The following STK32C variants were observed in gnomAD, a reference collection of about 807,000 sequenced individuals.
STK32C encodes serine/threonine-protein kinase 32C.
In STK32C, 31 loss-of-function variants were observed where a neutral mutation model predicts 56.5. That is an observed-to-expected ratio of 0.55 (90% CI 0.41 to 0.74). The LOEUF (loss-of-function observed/expected upper bound fraction) is 0.74, where lower values mean the gene tolerates loss of function less well. STK32C is among the 30% of genes least tolerant of loss of function. STK32C has a pLI of 0.00. For missense variants in STK32C, 544 were observed against 676.9 expected (o/e 0.80, Z 2.18); for synonymous variants, 309 against 289.4 (o/e 1.07, Z -0.69).
At chr10:132,324,483 C>G in intron 1 of STK32C, 2 of 618,082 alleles carry the variant, frequency 3.2e-6, no homozygotes, top group Admixed American at 2.8e-5. Flanking sequence ...GCAGGCACAG[C>G]AGAGCAGAAA....
At chr10:132,301,244 C>T (rs559059712) in intron 1 of STK32C, among the ~76,000 whole-genome samples, 124 of 150,286 alleles carry the variant, frequency 8.3e-4, no homozygotes, top group African/African-American at 2.9e-3. Context: ...GATTCAGCTC[C>T]GAGCTTCCCG....
intron 1 of STK32C, among the ~76,000 whole-genome samples, chr10:132,288,712 T>C (rs995268286): frequency 6.6e-6 from 1 of 152,210 alleles, no homozygotes; most frequent in South Asian, 2.1e-4. Context: ...CCAGTTACAG[T>C]AGCATAAAAC....
chr10:132,288,833 T>C (rs189203203), intron 1 of STK32C, among the ~76,000 whole-genome samples: 1 of 152,200 alleles, frequency 6.6e-6, no homozygotes, highest in Non-Finnish European at 1.5e-5. Flanking sequence ...AGATGTACCA[T>C]GTTCATGGAT....
chr10:132,235,837 T>C (rs2063269219), intron 2 of STK32C, among the ~76,000 whole-genome samples: 1 of 152,178 alleles, frequency 6.6e-6, no homozygotes, highest in Non-Finnish European at 1.5e-5. Context: ...GATGGGATCG[T>C]AAAGACCGTT....
chr10:132,324,881 G>C (rs2066467247), intron 1 of STK32C, among the ~76,000 whole-genome samples: 1 of 152,196 alleles, frequency 6.6e-6, no homozygotes, highest in Non-Finnish European at 1.5e-5. Flanking sequence ...AGTGGGATGG[G>C]GAGAGATGCA....
At chr10:132,217,034 G>A (rs951379291) in intron 10 of STK32C, among the ~76,000 whole-genome samples, 1 of 151,222 alleles carries the variant, frequency 6.6e-6, no homozygotes, top group South Asian at 2.1e-4. Context: ...TGAGAAGAGG[G>A]CCACCATCCT....
At chr10:132,300,584 T>A (rs1172282190) in intron 1 of STK32C, among the ~76,000 whole-genome samples, 5 of 152,228 alleles carry the variant, frequency 3.3e-5, no homozygotes, top group Admixed American at 2.6e-4. Context: ...CAAATAACAA[T>A]AATTGTATTG....
chr10:132,318,391 A>G (rs2066347323), intron 1 of STK32C, among the ~76,000 whole-genome samples: 1 of 152,028 alleles, frequency 6.6e-6, no homozygotes, highest in African/African-American at 2.4e-5. Flanking sequence ...CGAGGCGGGC[A>G]GATCACTTGA....
intron 1 of STK32C, among the ~76,000 whole-genome samples, chr10:132,281,853 G>A (rs192758052): frequency 6.6e-6 from 1 of 152,352 alleles, no homozygotes; most frequent in African/African-American, 2.4e-5. Flanking sequence ...AGGCCGCGGG[G>A]CAACTTCTCT....
At chr10:132,263,881 A>AG (rs1185196736) in intron 1 of STK32C, among the ~76,000 whole-genome samples, 3 of 151,804 alleles carry the variant, frequency 2.0e-5, no homozygotes, top group Admixed American at 1.3e-4. Flanking sequence ...AAAAAAAAAA[A>AG]AAAGTTGGGA....
intron 1 of STK32C, among the ~76,000 whole-genome samples, chr10:132,288,292 G>A (rs940534022): frequency 2.6e-5 from 4 of 152,188 alleles, no homozygotes; most frequent in South Asian, 4.1e-4. Flanking sequence ...AGCGCTGGTC[G>A]AAGATTTCTT....
chr10:132,233,609 C>T (rs4242716), intron 2 of STK32C, among the ~76,000 whole-genome samples: 41,540 of 152,160 alleles, frequency 0.27, 6,652 homozygotes, highest in Admixed American at 0.41. Context: ...GGCCATGCTG[C>T]GATGGCACCA....
At chr10:132,236,255 G>A (rs1590213174) in intron 2 of STK32C, among the ~76,000 whole-genome samples, 2 of 152,278 alleles carry the variant, frequency 1.3e-5, no homozygotes, top group Non-Finnish European at 1.5e-5. Context: ...CGTGGTCAAT[G>A]CTGGGACCTG....
chr10:132,285,298 T>G (rs984657637), intron 1 of STK32C, among the ~76,000 whole-genome samples: 1 of 152,222 alleles, frequency 6.6e-6, no homozygotes, highest in African/African-American at 2.4e-5. Context: ...ATTCTCACCC[T>G]GGGAGACTGA....
At chr10:132,287,479 G>A (rs769392210) in intron 1 of STK32C, among the ~76,000 whole-genome samples, 14 of 148,472 alleles carry the variant, frequency 9.4e-5, no homozygotes, top group Admixed American at 2.0e-4. Flanking sequence ...GCGACAGAGC[G>A]AGACTCAGTC....
intron 1 of STK32C, among the ~76,000 whole-genome samples, chr10:132,316,247 A>G (rs1374946452): frequency 6.6e-6 from 1 of 152,180 alleles, no homozygotes; most frequent in African/African-American, 2.4e-5. Flanking sequence ...AAAAATCACT[A>G]CTATAAGCCA....
intron 1 of STK32C, among the ~76,000 whole-genome samples, chr10:132,317,331 A>C (rs1179314187): frequency 6.6e-6 from 1 of 152,234 alleles, no homozygotes; most frequent in African/African-American, 2.4e-5. Context: ...TAGTTAGGCC[A>C]AGAGTTATTA....
intron 1 of STK32C, among the ~76,000 whole-genome samples, chr10:132,325,724 CTTTTT>C (rs541031233): frequency 7.2e-6 from 1 of 139,302 alleles, no homozygotes; most frequent in Non-Finnish European, 1.6e-5. Flanking sequence ...TTTGGTATGT[CTTTTT>C]TTTTTTTTTT....
intron 2 of STK32C, among the ~76,000 whole-genome samples, chr10:132,234,872 C>A (rs905136066): frequency 6.6e-6 from 1 of 152,236 alleles, no homozygotes; most frequent in Non-Finnish European, 1.5e-5. Context: ...GTATGCCCAC[C>A]GGGGCAGGTG....
Sources: allele counts gnomAD v4.1 joint callset (sites outside exome capture counted in the v4.1 genomes callset), GRCh38; gene constraint gnomAD v4.1.1; transcripts MANE v1.5; gene names NCBI Gene and HGNC (gene_info 2026-07-23, HGNC 2026-07-21).